The following SCAPER variants were observed in gnomAD, a reference collection of about 807,000 sequenced individuals.
SCAPER encodes S phase cyclin A-associated protein in the endoplasmic reticulum.
Under a neutral mutation model 182.2 loss-of-function variants are expected in SCAPER, and 98 were observed. The ratio of observed to expected loss-of-function variants is 0.54; its 90% CI spans 0.46 to 0.64. The LOEUF (loss-of-function observed/expected upper bound fraction) is 0.64, where lower values mean the gene tolerates loss of function less well. Ranked by LOEUF, SCAPER falls within the 30% of genes least tolerant of loss-of-function variation. SCAPER has a pLI of 0.00. For missense variants in SCAPER, 1,432 were observed against 1,690.0 expected (o/e 0.85, Z 2.68); for synonymous variants, 605 against 564.6 (o/e 1.07, Z -1.01).
chr15:76,474,532 G>A (rs542461386), intron 24 of SCAPER, among the ~76,000 whole-genome samples: 4 of 152,282 alleles, frequency 2.6e-5, no homozygotes, highest in African/African-American at 9.6e-5. Context: ...ATTTTAGCAA[G>A]TTAGTTACTA....
chr15:76,559,959 T>A (rs1482112476), intron 23 of SCAPER, among the ~76,000 whole-genome samples: 1 of 152,222 alleles, frequency 6.6e-6, no homozygotes, highest in Non-Finnish European at 1.5e-5. Flanking sequence ...GGTATGCATA[T>A]GTTTACTACT....
chr15:76,490,660 G>C (rs1677080215), intron 24 of SCAPER, among the ~76,000 whole-genome samples: 1 of 151,994 alleles, frequency 6.6e-6, no homozygotes, highest in Admixed American at 6.6e-5. Flanking sequence ...CCATTTGTTT[G>C]TTTTTGCTTT....
At chr15:76,627,024 T>TATA (rs139774318) in intron 21 of SCAPER, among the ~76,000 whole-genome samples, 5,375 of 152,322 alleles carry the variant, frequency 0.035, 131 homozygotes, top group Middle Eastern at 0.058. Context: ...CTGTCACAAT[T>TATA]ATAATCTGAT....
At chr15:76,484,887 G>A (rs1202880412) in intron 24 of SCAPER, among the ~76,000 whole-genome samples, 3 of 146,486 alleles carry the variant, frequency 2.0e-5, no homozygotes, top group Non-Finnish European at 4.6e-5. Context: ...AATAAACTAG[G>A]TATTGAAGAA....
chr15:76,769,144 GA>G (rs546981684), intron 10 of SCAPER, among the ~76,000 whole-genome samples: 13 of 151,784 alleles, frequency 8.6e-5, no homozygotes, highest in African/African-American at 3.1e-4. Context: ...AAATTTACAA[GA>G]AAAAAACAAA....
At chr15:76,517,575 T>C (rs1422173710) in intron 23 of SCAPER, among the ~76,000 whole-genome samples, 1 of 152,020 alleles carries the variant, frequency 6.6e-6, no homozygotes, top group Admixed American at 6.6e-5. Context: ...GGTCTCAAAC[T>C]CCTGACCTCA....
chr15:76,714,296 C>T (rs2059761481), intron 17 of SCAPER, among the ~76,000 whole-genome samples: 1 of 152,056 alleles, frequency 6.6e-6, no homozygotes, highest in African/African-American at 2.4e-5. Flanking sequence ...TCAAATTGTA[C>T]ACTTTAGTAA....
At chr15:76,883,033 C>A (rs1229907914) in intron 2 of SCAPER, among the ~76,000 whole-genome samples, 1 of 152,132 alleles carries the variant, frequency 6.6e-6, no homozygotes, top group East Asian at 1.9e-4. Context: ...TTGTACCTAT[C>A]AAAAATACCA....
At chr15:76,507,750 ACACTT>A (rs541994263) in intron 23 of SCAPER, among the ~76,000 whole-genome samples, 30 of 152,286 alleles carry the variant, frequency 2.0e-4, no homozygotes, top group Middle Eastern at 3.4e-3. Flanking sequence ...GACGACTCAT[ACACTT>A]AAGATTAAAA....
chr15:76,604,133 T>A (rs2050149309), intron 22 of SCAPER, among the ~76,000 whole-genome samples: 2 of 120,828 alleles, frequency 1.7e-5, no homozygotes, highest in African/African-American at 5.1e-5. Context: ...GCCTAGGTTT[T>A]CTTCTAGGGT....
chr15:76,639,488 A>G (rs1046339147), intron 21 of SCAPER, among the ~76,000 whole-genome samples: 1 of 152,252 alleles, frequency 6.6e-6, no homozygotes, highest in African/African-American at 2.4e-5. Context: ...GATTAACTAT[A>G]GCTATGACTG....
At chr15:76,488,553 A>G (rs2051897769) in intron 24 of SCAPER, among the ~76,000 whole-genome samples, 1 of 151,994 alleles carries the variant, frequency 6.6e-6, no homozygotes, top group Non-Finnish European at 1.5e-5. Flanking sequence ...TTAGAACTAT[A>G]AATAACTACA....
At chr15:76,385,072 G>C (rs1210809396) in intron 27 of SCAPER, 1 of 152,194 alleles carries the variant, frequency 6.6e-6, no homozygotes, top group East Asian at 1.9e-4. Context: ...AGAGATCTTA[G>C]TGAGATATTC....
rs1349188970 is a variant in SCAPER, at chr15:76,807,734, T to C, written c.394-3101A>G. 4.2e-5 allele frequency among the ~76,000 whole-genome samples: 6 copies of C among 141,234 alleles called. No homozygotes were observed. In the South Asian group the frequency reaches 1.3e-3, roughly 31 times the overall value. The allele number at this position is 141,234 out of a possible 152,430, so 92.7% of individuals were successfully genotyped here. A position where few individuals can be genotyped will look rare whatever the true frequency, so the allele number is the denominator to read the frequency against. On this transcript the variant is annotated intron_variant, in intron 5 of 31. Transcript: ENST00000563290. ...GAATGTGATATTAACTAACATTAAT[T>C]TTAACTTCAATGTTTAGAAGAATTC...
intron 17 of SCAPER, among the ~76,000 whole-genome samples, chr15:76,713,924 C>A (rs1375199480): frequency 1.3e-5 from 2 of 152,090 alleles, no homozygotes; most frequent in East Asian, 1.9e-4. Flanking sequence ...CACAAAAAGA[C>A]TCATATGCAA....
At chr15:76,718,854 T>C (rs1254556884) in intron 17 of SCAPER, among the ~76,000 whole-genome samples, 2 of 152,014 alleles carry the variant, frequency 1.3e-5, no homozygotes, top group African/African-American at 4.8e-5. Context: ...CATTATGAAA[T>C]ACTAACTCAC....
At chr15:76,763,885 T>C (rs1055686978) in intron 14 of SCAPER, among the ~76,000 whole-genome samples, 3 of 152,230 alleles carry the variant, frequency 2.0e-5, no homozygotes, top group Non-Finnish European at 4.4e-5. Context: ...ATTATTTATC[T>C]GTGTTCTCTC....
chr15:76,377,021 G>A (rs1197484072), intron 28 of SCAPER, among the ~76,000 whole-genome samples: 1 of 152,142 alleles, frequency 6.6e-6, no homozygotes, highest in Non-Finnish European at 1.5e-5. Flanking sequence ...AACAGACAGA[G>A]CGACAGGAGG....
chr15:76,560,822 C>T (rs540868990), intron 23 of SCAPER, among the ~76,000 whole-genome samples: 1 of 152,120 alleles, frequency 6.6e-6, no homozygotes, highest in African/African-American at 2.4e-5. Flanking sequence ...GAAAGAAATA[C>T]CTTCAAGACT....
Sources: gnomAD v4.1 joint callset for allele counts (sites outside exome capture counted in the v4.1 genomes callset) on GRCh38, gnomAD v4.1.1 for gene constraint, MANE v1.5 for transcripts, NCBI Gene and HGNC (gene_info 2026-07-23, HGNC 2026-07-21) for gene names.